The following ADGRL3 variants were observed in gnomAD, a reference collection of about 807,000 sequenced individuals.
The protein encoded by ADGRL3 is adhesion G protein-coupled receptor L3, also known as calcium-independent alpha-latrotoxin receptor 3.
Under a neutral mutation model 153.5 loss-of-function variants are expected in ADGRL3, and 62 were observed. That is an observed-to-expected ratio of 0.40 (90% CI 0.33 to 0.50). ADGRL3 has a LOEUF of 0.50. Ranked by LOEUF, ADGRL3 falls within the 20% of genes least tolerant of loss-of-function variation. The pLI is 0.47. For missense variants in ADGRL3, 1,641 were observed against 1,859.4 expected, an observed-to-expected ratio of 0.88 and a Z score of 2.16; for synonymous variants, 710 against 672.5, an observed-to-expected ratio of 1.06 and a Z score of -0.86.
chr4:61,620,855 G>T (rs1303441373), intron 5 of ADGRL3, among the ~76,000 whole-genome samples: 1 of 151,720 alleles, frequency 6.6e-6, no homozygotes, highest in South Asian at 2.1e-4. Context: ...TGGCCAGGAT[G>T]GTCTCCATCT....
chr4:61,980,917 A>G (rs1189851518), intron 18 of ADGRL3, among the ~76,000 whole-genome samples: 3 of 152,132 alleles, frequency 2.0e-5, no homozygotes, highest in Non-Finnish European at 4.4e-5. Context: ...GCTTTTGTCA[A>G]TTATGAAGAA....
chr4:61,450,653 G>A (rs920017095), intron 2 of ADGRL3, among the ~76,000 whole-genome samples: 2 of 152,032 alleles, frequency 1.3e-5, no homozygotes, highest in Non-Finnish European at 2.9e-5. Flanking sequence ...AAATATATGT[G>A]TAATAACATG....
intron 24 of ADGRL3, among the ~76,000 whole-genome samples, chr4:62,041,539 AT>A (rs1212703452): frequency 2.0e-5 from 3 of 151,982 alleles, no homozygotes; most frequent in Admixed American, 1.3e-4. Flanking sequence ...GAAATAGAAC[AT>A]TTTCAATATG....
chr4:61,664,981 G>T (rs544631344), intron 5 of ADGRL3, among the ~76,000 whole-genome samples: 1 of 152,276 alleles, frequency 6.6e-6, no homozygotes, highest in South Asian at 2.1e-4. Context: ...TAAGATGATC[G>T]TGTAAACATC....
chr4:61,580,075 G>A (rs1467257085), intron 4 of ADGRL3, among the ~76,000 whole-genome samples: 1 of 152,038 alleles, frequency 6.6e-6, no homozygotes, highest in African/African-American at 2.4e-5. Flanking sequence ...ACTTAAAATT[G>A]ATAATATTTA....
At chr4:61,317,065 T>A (rs746874963) in intron 1 of ADGRL3, among the ~76,000 whole-genome samples, 105 of 152,344 alleles carry the variant, frequency 6.9e-4, no homozygotes, top group Admixed American at 1.3e-3. Context: ...TCTTTCATTA[T>A]CTAGAAAGGT....
At chr4:61,719,086 T>C (rs1402903281) in intron 6 of ADGRL3, among the ~76,000 whole-genome samples, 2 of 152,214 alleles carry the variant, frequency 1.3e-5, no homozygotes, top group Non-Finnish European at 2.9e-5. Flanking sequence ...ATTATATACA[T>C]TTGGATAGCT....
chr4:61,231,455 A>G (rs965403667), intron 1 of ADGRL3, among the ~76,000 whole-genome samples: 41 of 152,042 alleles, frequency 2.7e-4, no homozygotes, highest in African/African-American at 9.4e-4. Context: ...GAGGGACAGA[A>G]CACAGCCAGC....
intron 4 of ADGRL3, among the ~76,000 whole-genome samples, chr4:61,550,098 AAT>A (rs1420829908): frequency 6.6e-6 from 1 of 151,996 alleles, no homozygotes; most frequent in Non-Finnish European, 1.5e-5. Context: ...ATCATATTAC[AAT>A]AGCACAAGGA....
chr4:62,053,953 C>A (rs1277129837), intron 25 of ADGRL3, among the ~76,000 whole-genome samples: 1 of 151,334 alleles, frequency 6.6e-6, no homozygotes, highest in Non-Finnish European at 1.5e-5. Context: ...ATTTGTTCTG[C>A]ATTTTGTTTT....
At chr4:61,690,215 CG>C in intron 6 of ADGRL3, among the ~76,000 whole-genome samples, 1 of 152,100 alleles carries the variant, frequency 6.6e-6, no homozygotes, top group East Asian at 1.9e-4. Flanking sequence ...AAGGCCAAGG[CG>C]GGAGGATGGC....
At chr4:61,558,697 A>G (rs1560838813) in intron 4 of ADGRL3, among the ~76,000 whole-genome samples, 1 of 151,824 alleles carries the variant, frequency 6.6e-6, no homozygotes, top group Non-Finnish European at 1.5e-5. Flanking sequence ...CTCTTTCACT[A>G]TATCTGGCTA....
At chr4:61,750,132 A>G (rs1299965352) in intron 8 of ADGRL3, among the ~76,000 whole-genome samples, 1 of 149,532 alleles carries the variant, frequency 6.7e-6, no homozygotes, top group Admixed American at 6.7e-5. Context: ...GTCTTCATGA[A>G]CTTACAGTCT....
rs1747621195 is a variant in ADGRL3 at position 62,077,795 on chromosome 4, A to G, written c.*6887A>G. The G allele has an allele frequency of 6.6e-6, 1 of 152,022 alleles. No homozygotes were observed. The highest frequency in any genetic ancestry group is 2.4e-5 in the African/African-American group (1 of 41,434). 9.4% of individuals were successfully genotyped at this position (152,022 alleles called of 1,614,324 possible). A position where few individuals can be genotyped will look rare whatever the true frequency, so the allele number is the denominator to read the frequency against. On this transcript the variant is annotated 3_prime_UTR_variant, in exon 27 of 27. Transcript: ENST00000683033. ...GAATAAAGATTTCCTTCATCACCCT[A>G]AGTAATAAAAGCTGATATGTCTTGA...
intron 4 of ADGRL3, among the ~76,000 whole-genome samples, chr4:61,540,812 A>T (rs1357220373): frequency 6.6e-6 from 1 of 152,170 alleles, no homozygotes; most frequent in African/African-American, 2.4e-5. Flanking sequence ...ATATGTGCAT[A>T]TCAGGATCTA....
chr4:61,497,220 C>A lies in ADGRL3; in HGVS notation c.-74C>A. ...TCAGTCTTGGAATACAGAAGAGAAA[C>A]TAGAAATATACGTATTTTGTTTCAC... is the stretch of plus-strand genomic sequence containing the variant. On this transcript the variant is annotated 5_prime_UTR_variant, in exon 3 of 27. Coordinates refer to ENST00000683033, the MANE Select transcript of ADGRL3 (RefSeq NM_001387552.1). 3.6e-6 allele frequency: 3 copies of A among 843,714 alleles called. No individual in the cohort carries two copies. The highest frequency in any genetic ancestry group is 5.7e-6 in the Non-Finnish European group (3 of 524,002). 52.3% of individuals were successfully genotyped at this position (843,714 alleles called of 1,614,324 possible).
intron 1 of ADGRL3, among the ~76,000 whole-genome samples, chr4:61,279,564 T>G (rs1198693327): frequency 6.6e-6 from 1 of 152,142 alleles, no homozygotes; most frequent in Non-Finnish European, 1.5e-5. Flanking sequence ...AAGATGTGGT[T>G]GGACTTTATG....
intron 2 of ADGRL3, among the ~76,000 whole-genome samples, chr4:61,479,396 C>A (rs1279963187): frequency 6.6e-6 from 1 of 152,082 alleles, no homozygotes; most frequent in Non-Finnish European, 1.5e-5. Flanking sequence ...TACCTACCTA[C>A]CTTCCTATAG....
intron 2 of ADGRL3, among the ~76,000 whole-genome samples, chr4:61,457,153 A>C (rs528429976): frequency 2.5e-4 from 38 of 152,128 alleles, no homozygotes; most frequent in African/African-American, 9.1e-4. Flanking sequence ...TCCGTTTATT[A>C]AAACATGATT....
Sources: gnomAD v4.1 joint callset for allele counts (sites outside exome capture counted in the v4.1 genomes callset) on GRCh38, gnomAD v4.1.1 for gene constraint, MANE v1.5 for transcripts, NCBI Gene and HGNC (gene_info 2026-07-23, HGNC 2026-07-21) for gene names.